DLGAP2: variants seen among roughly 807,000 people sequenced by gnomAD.
DLGAP2 encodes DLG associated protein 2.
In DLGAP2, 26 loss-of-function variants were observed where a neutral mutation model predicts 100.3. That is an observed-to-expected ratio of 0.26 (90% CI 0.19 to 0.36). The LOEUF is 0.36. DLGAP2 is among the 10% of genes least tolerant of loss of function. The pLI, the probability that DLGAP2 is intolerant of heterozygous loss-of-function variation, is 1.00. For missense variants in DLGAP2, 1,858 were observed against 1,453.2 expected (o/e 1.28, Z -4.53); for synonymous variants, 886 against 630.1 (o/e 1.41, Z -6.08).
At chr8:1,084,649 T>G (rs1265429424) in intron 2 of DLGAP2, among the ~76,000 whole-genome samples, 1 of 152,234 alleles carries the variant, frequency 6.6e-6, no homozygotes, top group Admixed American at 6.5e-5. Context: ...GTGCCTGGCT[T>G]CTTTCAGTTA....
chr8:1,533,570 T>C (rs1801058402), intron 4 of DLGAP2, among the ~76,000 whole-genome samples: 1 of 152,148 alleles, frequency 6.6e-6, no homozygotes, highest in Non-Finnish European at 1.5e-5. Flanking sequence ...AAATAAATAC[T>C]GTCTGACTAT....
chr8:1,695,758 G>C (rs1799381936), intron 13 of DLGAP2, among the ~76,000 whole-genome samples: 1 of 152,366 alleles, frequency 6.6e-6, no homozygotes, highest in South Asian at 2.1e-4. Context: ...CTCCCCTGCT[G>C]CTTGTCACCT....
At chr8:907,840 G>A (rs1275825401) in intron 1 of DLGAP2, 72 bp from the exon 2 acceptor site, 8 of 397,952 alleles carry the variant, frequency 2.0e-5, no homozygotes, top group South Asian at 1.3e-4. Context: ...AGAAACACTC[G>A]CAACAGTTAA....
chr8:987,829 A>C (rs1800531816), intron 2 of DLGAP2, among the ~76,000 whole-genome samples: 1 of 152,022 alleles, frequency 6.6e-6, no homozygotes. Context: ...GTTTCCCCCA[A>C]CATATGACAG....
At chr8:1,242,276 T>G (rs1798813351) in intron 2 of DLGAP2, among the ~76,000 whole-genome samples, 3 of 152,086 alleles carry the variant, frequency 2.0e-5, no homozygotes, top group Admixed American at 2.0e-4. Flanking sequence ...AGGGGTTGGT[T>G]GTCAGACATA....
chr8:810,947 T>C (rs1796358889), intron 1 of DLGAP2, among the ~76,000 whole-genome samples: 2 of 152,254 alleles, frequency 1.3e-5, no homozygotes, highest in African/African-American at 4.8e-5. Context: ...TCGGGTATAA[T>C]GCCTGTTGGA....
chr8:751,066 C>T (rs1310798025), intron 1 of DLGAP2, among the ~76,000 whole-genome samples: 1 of 150,406 alleles, frequency 6.6e-6, no homozygotes, highest in African/African-American at 2.5e-5. Flanking sequence ...GATCTCCGGC[C>T]ACCCTCTCAC....
chr8:872,019 T>C (rs1207510702), intron 1 of DLGAP2, among the ~76,000 whole-genome samples: 2 of 152,228 alleles, frequency 1.3e-5, no homozygotes, highest in Non-Finnish European at 2.9e-5. Context: ...GATTTTGTGA[T>C]ATGATTATAA....
intron 4 of DLGAP2, among the ~76,000 whole-genome samples, chr8:1,548,331 C>CGT (rs1801616228): frequency 6.7e-6 from 1 of 148,568 alleles, no homozygotes; most frequent in Non-Finnish European, 1.5e-5. Context: ...TGGTGGCAGG[C>CGT]GCCTGTAGTC....
intron 1 of DLGAP2, among the ~76,000 whole-genome samples, chr8:761,881 A>G: frequency 6.6e-6 from 1 of 152,222 alleles, no homozygotes; most frequent in East Asian, 1.9e-4. Context: ...GGGATGGGGA[A>G]ACGTTGGCCT....
intron 3 of DLGAP2, among the ~76,000 whole-genome samples, chr8:1,444,399 C>T (rs1797923935): frequency 6.6e-6 from 1 of 152,236 alleles, no homozygotes; most frequent in Admixed American, 6.5e-5. Context: ...TTGTGGCTTT[C>T]TTCATTTCTG....
chr8:835,264 C>A (rs1796851576), intron 1 of DLGAP2, among the ~76,000 whole-genome samples: 1 of 151,900 alleles, frequency 6.6e-6, no homozygotes, highest in Non-Finnish European at 1.5e-5. Context: ...ATATATGTTT[C>A]TCTTTATATT....
intron 4 of DLGAP2, among the ~76,000 whole-genome samples, chr8:1,505,065 C>T (rs551192341): frequency 2.0e-5 from 3 of 152,300 alleles, no homozygotes; most frequent in African/African-American, 7.2e-5. Context: ...GTTCCCAACA[C>T]TATCATAACA....
chr8:855,413 A>G (rs76435600), intron 1 of DLGAP2, among the ~76,000 whole-genome samples: 1 of 152,158 alleles, frequency 6.6e-6, no homozygotes, highest in African/African-American at 2.4e-5. Flanking sequence ...TGTCCGCTGA[A>G]TGAATGAATG....
At position 1,705,827 on chromosome 8, in the gene DLGAP2, A is replaced by G. The variant is rs1239636512; in HGVS notation, c.*4421A>G. On this transcript the variant is annotated 3_prime_UTR_variant, in exon 15 of 15. Transcript: ENST00000637795. The stretch of plus-strand genomic sequence containing the variant: ...CTTGTTTTGATCTGCATGTCTGTTT[A>G]CACTTCTCTGTAGGCGTGGGTTGAA... 1 of 152,106 alleles carries G rather than the reference A, an allele frequency of 6.6e-6. No individual in the cohort carries two copies. Among genetic ancestry groups the G allele is most frequent in the Non-Finnish European group, 1.5e-5 (1 of 68,038 alleles). The allele number at this position is 152,106 out of a possible 1,614,324, so 9.4% of individuals were successfully genotyped here.
chr8:829,578 CT>C lies in DLGAP2; in HGVS notation c.19-78332del, dbSNP rs756825134. On this transcript the variant is annotated intron_variant, in intron 1 of 14. Transcript: ENST00000637795. ...ACCTTCAATCTTATTCAGAGCTTTG[CT>C]TCTAGAAATCGTGAAAACTATAAAT... Among the ~76,000 whole-genome samples the C allele has an allele frequency of 4.5e-3, 690 of 152,284 alleles. 1 individual carries two copies. Among genetic ancestry groups the C allele is most frequent in the Non-Finnish European group, 7.4e-3 (501 of 68,024 alleles).
chr8:765,422 T>C (rs1640749909), intron 1 of DLGAP2, among the ~76,000 whole-genome samples: 1 of 152,156 alleles, frequency 6.6e-6, no homozygotes, highest in Admixed American at 6.5e-5. Context: ...AGTCTAACAG[T>C]GTTAGTGCCA....
Position 1,055,429 on chromosome 8 carries a change from G to T in DLGAP2, c.73+147463G>T, listed in dbSNP as rs556454400. On this transcript the variant is annotated intron_variant, in intron 2 of 14. Transcript: ENST00000637795. Reference sequence around the variant, plus strand: ...AATATTAATGTAATAAGATATCTAGGTTCCTTACCTATGAATGTGTTAGGA... The same window carrying T: ...AATATTAATGTAATAAGATATCTAGTTTCCTTACCTATGAATGTGTTAGGA... 2.8e-4 allele frequency among the ~76,000 whole-genome samples: 42 copies of T among 152,244 alleles called. No individual in the cohort carries two copies. The South Asian group carries it at 5.2e-3, about 19-fold the overall frequency.
chr8:883,555 GGTTT>G (rs1286856862), intron 1 of DLGAP2, among the ~76,000 whole-genome samples: 1 of 151,952 alleles, frequency 6.6e-6, no homozygotes, highest in Non-Finnish European at 1.5e-5. Flanking sequence ...AGAATGTGCA[GGTTT>G]GTTACACAGG....
Sources: gnomAD v4.1 joint callset for allele counts (sites outside exome capture counted in the v4.1 genomes callset) on GRCh38, gnomAD v4.1.1 for gene constraint, MANE v1.5 for transcripts, NCBI Gene and HGNC (gene_info 2026-07-23, HGNC 2026-07-21) for gene names.